KIAA0825: variants seen among roughly 807,000 people sequenced by gnomAD.
The protein encoded by KIAA0825 is KIAA0825, also known as uncharacterized protein KIAA0825.
In KIAA0825, 119 loss-of-function variants were observed where a neutral mutation model predicts 147.6. The observed-to-expected ratio is 0.81, with a 90% CI of 0.69 to 0.94. KIAA0825 has a LOEUF of 0.94. Ranked by LOEUF, KIAA0825 falls within the 40% of genes least tolerant of loss-of-function variation. The pLI is 0.00. For synonymous variants in KIAA0825, 470 were observed against 518.1 expected (o/e 0.91, Z 1.26); for missense variants, 1,381 against 1,472.7 (o/e 0.94, Z 1.02).
chr5:94,330,730 T>A (rs1189892298), intron 20 of KIAA0825, among the ~76,000 whole-genome samples: 2 of 152,034 alleles, frequency 1.3e-5, no homozygotes, highest in Non-Finnish European at 2.9e-5. Context: ...GAAAAATCAA[T>A]GAAATCAAAA....
intron 20 of KIAA0825, among the ~76,000 whole-genome samples, chr5:94,236,898 C>T (rs1449412845): frequency 6.6e-6 from 1 of 152,150 alleles, no homozygotes; most frequent in Admixed American, 6.5e-5. Flanking sequence ...CTATTGCACA[C>T]TTAATAGACT....
intron 2 of KIAA0825, among the ~76,000 whole-genome samples, chr5:94,573,596 G>A (rs1780394448): frequency 6.6e-6 from 1 of 152,164 alleles, no homozygotes; most frequent in African/African-American, 2.4e-5. Flanking sequence ...TACAGTGGCT[G>A]CTGTTAGAGT....
chr5:94,432,166 A>G (rs1755766789), intron 14 of KIAA0825, among the ~76,000 whole-genome samples: 1 of 152,242 alleles, frequency 6.6e-6, no homozygotes, highest in South Asian at 2.1e-4. Context: ...TGCCTTCTAT[A>G]GCAGCAGATA....
At chr5:94,617,374 A>G (rs1790811076) in intron 1 of KIAA0825, among the ~76,000 whole-genome samples, 1 of 152,204 alleles carries the variant, frequency 6.6e-6, no homozygotes, top group South Asian at 2.1e-4. Context: ...CAGAAAATCA[A>G]TGTGCTGTCC....
At chr5:94,469,356 G>C (rs62364611) in intron 10 of KIAA0825, among the ~76,000 whole-genome samples, 4,004 of 152,112 alleles carry the variant, frequency 0.026, 56 homozygotes, top group Non-Finnish European at 0.034. Flanking sequence ...ATTTCTACTA[G>C]AGATGGGGTT....
At chr5:94,318,535 C>T (rs143920234) in intron 20 of KIAA0825, among the ~76,000 whole-genome samples, 9 of 151,964 alleles carry the variant, frequency 5.9e-5, no homozygotes, top group African/African-American at 2.2e-4. Flanking sequence ...AGAAAATGCA[C>T]ATCTGTCCTT....
chr5:94,283,153 C>T lies in KIAA0825; in HGVS notation c.3710+101215G>A, dbSNP rs187624012. ...TTAAATCTGAGCTGAACGGTTACTA[C>T]ATTAAAAAATCTTTTATTACATTTT... On this transcript the variant is annotated intron_variant, in intron 20 of 20. Transcript: ENST00000682413. 6.9e-3 allele frequency among the ~76,000 whole-genome samples: 1,057 copies of T among 152,186 alleles called. 18 individuals are homozygous for T. The highest frequency in any genetic ancestry group is 0.023 in the African/African-American group (965 of 41,554).
In KIAA0825 at chr5:94,252,470, G is replaced by T. The variant is rs574096585; in HGVS notation, c.3711-98346C>A. On this transcript the variant is annotated intron_variant, in intron 20 of 20. Transcript: ENST00000682413. ...GTGTGGGTGTGTATATATATATAGAGAGAGAGAGAGTGAGTGAGTGTATTT... is the reference window on the plus strand; with the variant it reads ...GTGTGGGTGTGTATATATATATAGATAGAGAGAGAGTGAGTGAGTGTATTT... Among the ~76,000 whole-genome samples the T allele has an allele frequency of 3.6e-3, 552 of 151,898 alleles. 2 individuals carry two copies. The highest frequency in any genetic ancestry group is 0.013 in the African/African-American group (522 of 41,488).
intron 15 of KIAA0825, among the ~76,000 whole-genome samples, chr5:94,406,073 T>C (rs1268031118): frequency 1.3e-5 from 2 of 151,998 alleles, no homozygotes; most frequent in African/African-American, 4.8e-5. Context: ...ATTACAGGCA[T>C]GCGCCACCAC....
intron 2 of KIAA0825, among the ~76,000 whole-genome samples, chr5:94,540,152 A>C (rs140508143): frequency 6.6e-6 from 1 of 152,290 alleles, no homozygotes; most frequent in African/African-American, 2.4e-5. Context: ...AACTGGTTGA[A>C]TGAATGGTAA....
intron 2 of KIAA0825, among the ~76,000 whole-genome samples, chr5:94,545,700 C>T (rs1321215111): frequency 2.6e-5 from 4 of 152,200 alleles, no homozygotes; most frequent in Non-Finnish European, 4.4e-5. Context: ...CCCTGGATAA[C>T]TAACAACGCT....
chr5:94,514,958 T>C (rs151243484), intron 5 of KIAA0825, among the ~76,000 whole-genome samples: 26 of 152,326 alleles, frequency 1.7e-4, no homozygotes, highest in African/African-American at 6.0e-4. Context: ...CTGCAGATTT[T>C]AGGAATCTTT....
At chr5:94,309,368 T>C (rs528193689) in intron 20 of KIAA0825, among the ~76,000 whole-genome samples, 1 of 151,882 alleles carries the variant, frequency 6.6e-6, no homozygotes, top group East Asian at 1.9e-4. Context: ...AGCTGTTCAG[T>C]GTCCAGTGTT....
chr5:94,265,706 CAGG>C (rs1205324384), intron 20 of KIAA0825, among the ~76,000 whole-genome samples: 1 of 152,108 alleles, frequency 6.6e-6, no homozygotes, highest in Non-Finnish European at 1.5e-5. Context: ...GAGGCTGAGG[CAGG>C]AGAATTGCTT....
intron 20 of KIAA0825, among the ~76,000 whole-genome samples, chr5:94,314,716 G>A (rs529303583): frequency 2.6e-4 from 39 of 151,642 alleles, no homozygotes; most frequent in African/African-American, 9.4e-4. Context: ...GCTATTCTTT[G>A]TCTGACAGCT....
chr5:94,516,503 C>A (rs1767257954), intron 5 of KIAA0825, among the ~76,000 whole-genome samples: 1 of 152,144 alleles, frequency 6.6e-6, no homozygotes, highest in Non-Finnish European at 1.5e-5. Context: ...ATAATGTAAC[C>A]ATTAAAAAAG....
chr5:94,156,191 A>G (rs1271887095), intron 20 of KIAA0825, among the ~76,000 whole-genome samples: 1 of 152,230 alleles, frequency 6.6e-6, no homozygotes, highest in African/African-American at 2.4e-5. Flanking sequence ...TTGCCTGAGT[A>G]TCTTTGTATT....
At chr5:94,403,445 A>AAGGTCCTTC (rs1751653585) in intron 16 of KIAA0825, 124 bp downstream of exon 16, 1 of 684,886 alleles carries the variant, frequency 1.5e-6, no homozygotes, top group Non-Finnish European at 2.4e-6. Flanking sequence ...TCGCACATCT[A>AAGGTCCTTC]CTTAATGGAA....
At chr5:94,485,951 T>C (rs1358041439) in intron 5 of KIAA0825, among the ~76,000 whole-genome samples, 2 of 151,870 alleles carry the variant, frequency 1.3e-5, no homozygotes, top group African/African-American at 4.8e-5. Context: ...GGTTGTTTTT[T>C]TGCCCTCTTA....
Sources: gnomAD v4.1 joint callset for allele counts (sites outside exome capture counted in the v4.1 genomes callset) on GRCh38, gnomAD v4.1.1 for gene constraint, MANE v1.5 for transcripts, NCBI Gene and HGNC (gene_info 2026-07-23, HGNC 2026-07-21) for gene names.